The following NUP54 variants were observed in gnomAD, a reference collection of about 807,000 sequenced individuals.
The protein encoded by NUP54 is nucleoporin 54.
In NUP54, 27 loss-of-function variants were observed where a neutral mutation model predicts 66.4. That is an observed-to-expected ratio of 0.41 (90% CI 0.30 to 0.56). The LOEUF (loss-of-function observed/expected upper bound fraction) is 0.56. Among genes scored for constraint, NUP54 ranks in the 20% least tolerant of loss-of-function variants. The pLI, the probability that NUP54 is intolerant of heterozygous loss-of-function variation, is 0.34. For synonymous variants in NUP54, 206 were observed against 210.7 expected, an observed-to-expected ratio of 0.98 and a Z score of 0.19; for missense variants, 486 against 596.3, an observed-to-expected ratio of 0.82 and a Z score of 1.93.
intron 1 of NUP54, chr4:76,147,888 T>A: frequency 3.3e-6 from 1 of 305,920 alleles, no homozygotes; most frequent in South Asian, 3.4e-5. Context: ...CAATGGGCAG[T>A]GCCGGTGGAT....
At chr4:76,141,503 G>A (rs1255262028) in intron 3 of NUP54, among the ~76,000 whole-genome samples, 3 of 151,938 alleles carry the variant, frequency 2.0e-5, no homozygotes, top group African/African-American at 7.3e-5. Context: ...CTTCAGTTAC[G>A]CCACCCAGAA....
chr4:76,143,880 T>C (rs1731371683), intron 3 of NUP54, among the ~76,000 whole-genome samples: 1 of 152,194 alleles, frequency 6.6e-6, no homozygotes. Flanking sequence ...CATTAAGCTG[T>C]ACTTTTGTGC....
rs550038791 is a variant in NUP54, at chr4:76,130,667, T to C, written c.1045A>G (p.Thr349Ala). 1 of 1,612,354 alleles carries C rather than the reference T, an allele frequency of 6.2e-7. No individual in the cohort carries two copies. The highest frequency in any genetic ancestry group is 2.2e-5 in the East Asian group (1 of 44,818). Residue 349 changes from threonine (T) to alanine (A), a missense_variant, in exon 8 of 12, where the codon ACC becomes GCC. Transcript: ENST00000264883. ...VQDQMTKQHQ[T>A]RLDIISEDIS... ...AGCTAAATGCTTACATCTAATCTGG[T>C]TTGATGCTGCTTAGTCATCTGATCT...
intron 11 of NUP54, among the ~76,000 whole-genome samples, chr4:76,116,941 A>C (rs1578660471): frequency 6.6e-6 from 1 of 152,094 alleles, no homozygotes; most frequent in South Asian, 2.1e-4. Context: ...CATACCATAA[A>C]ATTTTGCCTG....
intron 3 of NUP54, among the ~76,000 whole-genome samples, chr4:76,139,561 C>T (rs1731177042): frequency 6.6e-6 from 1 of 152,048 alleles, no homozygotes. Flanking sequence ...AGGGACATGA[C>T]AAGAAAATGA....
Position 76,132,519 on chromosome 4 carries a change from A to C in NUP54, c.907+4T>G. 1 of 1,575,350 alleles carries C rather than the reference A, an allele frequency of 6.3e-7. No individual in the cohort carries two copies. Among genetic ancestry groups the C allele is most frequent in the Non-Finnish European group, 8.6e-7 (1 of 1,161,040 alleles). ...TTTTGAACTCTGTGATTCTAGAAAC[A>C]TACCAGCAGGAGGATTCTGTAAAAG... On this transcript the variant is annotated splice_donor_region_variant and intron_variant, in intron 6 of 11. Coordinates refer to ENST00000264883, the MANE Select transcript of NUP54 (RefSeq NM_017426.4).
At position 76,141,509 on chromosome 4, in the gene NUP54, C is replaced by T. The variant is rs181810010; in HGVS notation, c.295+2640G>A. Among the ~76,000 whole-genome samples the T allele has an allele frequency of 2.8e-4, 43 of 152,250 alleles. No homozygotes were observed. In the East Asian group the frequency reaches 7.3e-3, roughly 26 times the overall value. ...CAAGGGATCCTTCAGTTACGCCACC[C>T]AGAAGCCCAAGATACCTTTATCCAG... is the stretch of plus-strand genomic sequence containing the variant. On this transcript the variant is annotated intron_variant, in intron 3 of 11. Coordinates refer to ENST00000264883, the MANE Select transcript of NUP54 (RefSeq NM_017426.4).
At chr4:76,132,421 A>T in intron 6 of NUP54, 102 bp downstream of exon 6, 1 of 771,682 alleles carries the variant, frequency 1.3e-6, no homozygotes, top group Non-Finnish European at 2.0e-6. Context: ...AGATGATACT[A>T]ATTTTATTAG....
intron 1 of NUP54, 53 bp from the exon 2 acceptor site, chr4:76,144,526 G>C: frequency 7.8e-7 from 1 of 1,283,294 alleles, no homozygotes. Context: ...ATATATAAAG[G>C]CAACTTCTTT....
At chr4:76,145,655 C>A in intron 1 of NUP54, 3 of 914,434 alleles carry the variant, frequency 3.3e-6, no homozygotes, top group Non-Finnish European at 3.0e-6. Context: ...AACTTATTGT[C>A]AGTCTTCAGC....
At chr4:76,127,430 C>T (rs548864920) in intron 8 of NUP54, among the ~76,000 whole-genome samples, 32 of 59,610 alleles carry the variant, frequency 5.4e-4, no homozygotes, top group Non-Finnish European at 8.7e-4. Context: ...AGACCCCCAT[C>T]TCAAAAAAAA....
At chr4:76,125,536 G>A (rs937927749) in intron 8 of NUP54, among the ~76,000 whole-genome samples, 1 of 145,386 alleles carries the variant, frequency 6.9e-6, no homozygotes, top group Non-Finnish European at 1.5e-5. Flanking sequence ...TTAGGAGGCT[G>A]AGGTGGGAGG....
At chr4:76,127,372 C>T (rs769800135) in intron 8 of NUP54, among the ~76,000 whole-genome samples, 4 of 140,538 alleles carry the variant, frequency 2.8e-5, no homozygotes, top group Non-Finnish European at 6.0e-5. Context: ...GCGGAGCTTG[C>T]AGTGAGCCGA....
intron 1 of NUP54, chr4:76,147,452 G>A: frequency 7.8e-7 from 1 of 1,283,806 alleles, no homozygotes; most frequent in Non-Finnish European, 1.0e-6. Flanking sequence ...CCCAACACTG[G>A]TTACACATAC....
Position 76,123,403 on chromosome 4 carries a change from TCTTA to T in NUP54, c.1164+1242_1164+1245del, listed in dbSNP as rs565900141. ...CCAACTGTTTCTGTGGTATTTGTTT[TCTTA>T]CTTCTCTGTAGATTTTGGTAATTTT... On this transcript the variant is annotated intron_variant, in intron 9 of 11. Coordinates refer to ENST00000264883, the MANE Select transcript of NUP54 (RefSeq NM_017426.4). Among the ~76,000 whole-genome samples the T allele has an allele frequency of 1.2e-4, 19 of 152,354 alleles. No individual in the cohort carries two copies. In the East Asian group the frequency reaches 3.3e-3, roughly 26 times the overall value.
intron 9 of NUP54, 48 bp from the exon 10 acceptor site, chr4:76,118,242 T>A: frequency 6.4e-7 from 1 of 1,555,140 alleles, no homozygotes; most frequent in Non-Finnish European, 8.8e-7. Context: ...CTCTTTTTAG[T>A]TATGCAAGTA....
At chr4:76,129,104 AATGT>A (rs1730666820) in intron 8 of NUP54, among the ~76,000 whole-genome samples, 1 of 152,214 alleles carries the variant, frequency 6.6e-6, no homozygotes, top group South Asian at 2.1e-4. Context: ...ACAAATGATA[AATGT>A]ATGGGGTAAT....
intron 4 of NUP54, 21 bp downstream of exon 4, chr4:76,136,165 T>C (rs944978846): frequency 7.8e-6 from 12 of 1,533,252 alleles, no homozygotes; most frequent in Admixed American, 3.4e-5. Context: ...CAACTGAAGA[T>C]AAAAATAGTA....
chr4:76,147,849 C>G (rs529814698), intron 1 of NUP54: 60 of 342,636 alleles, frequency 1.8e-4, no homozygotes, highest in African/African-American at 1.2e-3. Flanking sequence ...GCGAGGACCA[C>G]AGGGGGCCGG....
Sources: allele counts gnomAD v4.1 joint callset (sites outside exome capture counted in the v4.1 genomes callset), GRCh38; gene constraint gnomAD v4.1.1; transcripts MANE v1.5; gene names NCBI Gene and HGNC (gene_info 2026-07-23, HGNC 2026-07-21).